The following UBR2 variants were observed in gnomAD, a reference collection of about 807,000 sequenced individuals.
UBR2 encodes the protein ubiquitin protein ligase E3 component n-recognin 2.
A neutral mutation model predicts 247.9 loss-of-function variants in UBR2; 92 were observed. The observed-to-expected ratio is 0.37, with a 90% CI of 0.31 to 0.44. UBR2 has a LOEUF of 0.44. UBR2 is among the 20% of genes least tolerant of loss of function. The pLI is 1.00. For missense variants in UBR2, 1,613 were observed against 2,112.6 expected, an observed-to-expected ratio of 0.76 and a Z score of 4.64; for synonymous variants, 672 against 693.5, an observed-to-expected ratio of 0.97 and a Z score of 0.49.
chr6:42,648,069 G>C (rs190801049), intron 21 of UBR2, 49 bp from the exon 22 acceptor site: 73 of 1,471,446 alleles, frequency 5.0e-5, no homozygotes, highest in Non-Finnish European at 1.9e-6. Flanking sequence ...TGCTAAGAGT[G>C]CTAGTAGTTA....
intron 2 of UBR2, among the ~76,000 whole-genome samples, chr6:42,590,259 G>A (rs921472474): frequency 2.6e-5 from 4 of 152,156 alleles, no homozygotes; most frequent in Admixed American, 2.0e-4. Flanking sequence ...AAGATCTCAG[G>A]GATCCTTGAG....
intron 8 of UBR2, among the ~76,000 whole-genome samples, chr6:42,614,380 ATATG>A (rs1318025125): frequency 7.6e-5 from 10 of 131,578 alleles, no homozygotes; most frequent in Admixed American, 4.6e-4. Flanking sequence ...ATGTGTGTAT[ATATG>A]TATGTACGTA....
At chr6:42,687,730 G>A (rs574686347) in intron 44 of UBR2, among the ~76,000 whole-genome samples, 13 of 151,942 alleles carry the variant, frequency 8.6e-5, no homozygotes, top group South Asian at 2.1e-4. Flanking sequence ...TAGTAGAGAC[G>A]GGGTTTCACC....
intron 4 of UBR2, among the ~76,000 whole-genome samples, chr6:42,598,146 A>G (rs1202097093): frequency 6.6e-6 from 1 of 152,162 alleles, no homozygotes; most frequent in Non-Finnish European, 1.5e-5. Context: ...TGTATAGGAC[A>G]GGGTTCAGCA....
At chr6:42,668,331 G>A (rs1032429846) in intron 34 of UBR2, among the ~76,000 whole-genome samples, 23 of 152,072 alleles carry the variant, frequency 1.5e-4, no homozygotes, top group African/African-American at 3.9e-4. Flanking sequence ...TGATAGTTTG[G>A]GTGTAGAATT....
At chr6:42,617,656 A>G (rs1421682469) in intron 11 of UBR2, 149 bp downstream of exon 11, 1 of 729,940 alleles carries the variant, frequency 1.4e-6, no homozygotes, top group Non-Finnish European at 2.2e-6. Flanking sequence ...TTCTTTTACT[A>G]GAATATAACC....
At position 42,605,769 on chromosome 6, in the gene UBR2, C is replaced by T. The variant is rs151266663; in HGVS notation, c.711C>T (p.His237=). 2.5e-6 allele frequency: 4 copies of T among 1,612,474 alleles called. No individual in the cohort carries two copies. The African/African-American group carries it at 5.3e-5, about 22-fold the overall frequency. ...GCATGCTGTTTAATGATGAGGTTCA[C>T]ACCTATGAACAAGTTATTTATACTC... ...YYCMLFNDEV[H]TYEQVIYTLQ... Residue 237 remains histidine (H), a synonymous_variant, in exon 6 of 47, where the codon CAC becomes CAT. Transcript: ENST00000372901.
At chr6:42,666,404 A>G (rs1342107486) in intron 34 of UBR2, among the ~76,000 whole-genome samples, 159 bp downstream of exon 34, 2 of 152,176 alleles carry the variant, frequency 1.3e-5, no homozygotes, top group Non-Finnish European at 2.9e-5. Flanking sequence ...ACAGGAGGAT[A>G]GTGTGAGCCC....
chr6:42,598,199 TTGTG>T (rs1470329501), intron 4 of UBR2, among the ~76,000 whole-genome samples: 16 of 152,214 alleles, frequency 1.1e-4, no homozygotes, highest in Non-Finnish European at 1.5e-4. Flanking sequence ...CAACCTGTTC[TTGTG>T]TCTGTTTTTA....
chr6:42,605,044 C>CA (rs1313005255), intron 5 of UBR2, among the ~76,000 whole-genome samples: 2 of 151,216 alleles, frequency 1.3e-5, no homozygotes, highest in East Asian at 1.9e-4. Context: ...AAACAAAAAA[C>CA]AAAAAAAACC....
intron 30 of UBR2, 51 bp from the exon 31 acceptor site, chr6:42,662,133 G>A (rs971478911): frequency 1.7e-6 from 2 of 1,211,308 alleles, no homozygotes; most frequent in Non-Finnish European, 2.4e-6. Context: ...TTTGTTATAG[G>A]AAAATTAAAT....
intron 40 of UBR2, 146 bp from the exon 41 acceptor site, chr6:42,678,393 A>T: frequency 1.3e-6 from 1 of 791,248 alleles, no homozygotes. Flanking sequence ...GCATCCTATA[A>T]TAACACACAC....
chr6:42,691,063 C>T lies in UBR2; in HGVS notation c.5158C>T (p.Arg1720Ter). The T allele has an allele frequency of 3.1e-6, 5 of 1,613,960 alleles. No homozygotes were observed. The highest frequency in any genetic ancestry group is 1.1e-5 in the South Asian group (1 of 91,060). The change falls in exon 47 of 47, where the codon CGA (arginine) becomes TGA (stop). Residue 1720 changes from arginine to a stop codon, truncating the protein, a stop_gained. Coordinates refer to ENST00000372901, the MANE Select transcript of UBR2 (RefSeq NM_001363705.2). LOFTEE classifies it high-confidence loss of function. ...RGNPLHLCKERFKKIQKLWHQ... is the reference protein window; with the variant it reads ...RGNPLHLCKE Reference sequence around the variant, plus strand: ...AAATCCTTTACATTTATGCAAAGAGCGATTCAAGAAGATTCAGAAGCTCTG... The same window carrying T: ...AAATCCTTTACATTTATGCAAAGAGTGATTCAAGAAGATTCAGAAGCTCTG...
chr6:42,683,448 AAAT>A (rs1562401402), intron 43 of UBR2, among the ~76,000 whole-genome samples: 1 of 152,192 alleles, frequency 6.6e-6, no homozygotes, highest in Non-Finnish European at 1.5e-5. Flanking sequence ...GTGAAGAGTA[AAAT>A]AATGAGGCTC....
chr6:42,599,941 G>A (rs992270715), intron 4 of UBR2, among the ~76,000 whole-genome samples: 2 of 152,048 alleles, frequency 1.3e-5, no homozygotes, highest in Non-Finnish European at 2.9e-5. Flanking sequence ...AAATAATAGA[G>A]CACATTAAAG....
chr6:42,657,893 A>C, intron 26 of UBR2, 131 bp from the exon 27 acceptor site: 1 of 618,174 alleles, frequency 1.6e-6, no homozygotes, highest in East Asian at 2.7e-5. Context: ...GAAAATCTCT[A>C]TTTTGGTAGA....
intron 26 of UBR2, 97 bp downstream of exon 26, chr6:42,655,820 G>A (rs1582659705): frequency 1.4e-6 from 1 of 704,658 alleles, no homozygotes. Context: ...GATTCTAAAA[G>A]GGTAATATTT....
intron 4 of UBR2, among the ~76,000 whole-genome samples, chr6:42,595,786 A>C (rs1032595796): frequency 6.6e-6 from 1 of 151,980 alleles, no homozygotes; most frequent in African/African-American, 2.4e-5. Context: ...TTTTATCAGA[A>C]TGACCAAAGC....
chr6:42,682,768 C>A (rs868813816), intron 42 of UBR2, among the ~76,000 whole-genome samples: 1 of 152,210 alleles, frequency 6.6e-6, no homozygotes, highest in South Asian at 2.1e-4. Flanking sequence ...GTTAGCTTGG[C>A]ATTAATACAA....
Sources: gnomAD v4.1 joint callset for allele counts (sites outside exome capture counted in the v4.1 genomes callset) on GRCh38, gnomAD v4.1.1 for gene constraint, MANE v1.5 for transcripts, NCBI Gene and HGNC (gene_info 2026-07-23, HGNC 2026-07-21) for gene names.